The following PSD3 variants were observed in gnomAD, a reference collection of about 807,000 sequenced individuals.
PSD3 encodes the protein PH and SEC7 domain-containing protein 3.
Under a neutral mutation model 105.5 loss-of-function variants are expected in PSD3, and 49 were observed. That is an observed-to-expected ratio of 0.46 (90% CI 0.37 to 0.59). The LOEUF is 0.59. Among genes scored for constraint, PSD3 ranks in the 20% least tolerant of loss-of-function variants. The pLI, the probability that PSD3 is intolerant of heterozygous loss-of-function variation, is 0.00. For synonymous variants in PSD3, 557 were observed against 457.8 expected, an observed-to-expected ratio of 1.22 and a Z score of -2.77; for missense variants, 1,561 against 1,263.8, an observed-to-expected ratio of 1.24 and a Z score of -3.57.
intron 1 of PSD3, among the ~76,000 whole-genome samples, chr8:18,969,345 G>T (rs1400747000): frequency 6.6e-6 from 1 of 152,142 alleles, no homozygotes; most frequent in Admixed American, 6.5e-5. Context: ...AAATTTCGAT[G>T]CAACAGCAGC....
intron 1 of PSD3, among the ~76,000 whole-genome samples, chr8:18,996,195 T>C (rs1826072416): frequency 6.6e-6 from 1 of 151,602 alleles, no homozygotes; most frequent in South Asian, 2.1e-4. Flanking sequence ...ATGCATGCAA[T>C]GAACATTTAG....
Position 18,792,626 on chromosome 8 carries a change from C to G in PSD3, c.2082+6669G>C, listed in dbSNP as rs116839113. ...CAGCTAATGAATGCCAGGCTTAATA[C>G]CTGGGTGATGGGCCAGTTAGAATGG... On this transcript the variant is annotated intron_variant, in intron 8 of 15. Transcript: ENST00000327040. 2.7e-3 allele frequency among the ~76,000 whole-genome samples: 405 copies of G among 152,204 alleles called. 1 individual carries two copies. The highest frequency in any genetic ancestry group is 9.3e-3 in the African/African-American group (385 of 41,550).
intron 12 of PSD3, among the ~76,000 whole-genome samples, chr8:18,583,173 T>C (rs1802933033): frequency 6.6e-6 from 1 of 152,150 alleles, no homozygotes; most frequent in South Asian, 2.1e-4. Flanking sequence ...GCATGGTGGC[T>C]CACACCTATA....
intron 15 of PSD3, among the ~76,000 whole-genome samples, chr8:18,544,801 T>C (rs993801640): frequency 3.3e-5 from 5 of 152,168 alleles, no homozygotes; most frequent in Admixed American, 6.5e-5. Flanking sequence ...GAAGCTCTCA[T>C]AGGAATCTGC....
At chr8:19,054,442 G>C (rs1235265891) in intron 1 of PSD3, among the ~76,000 whole-genome samples, 1 of 152,106 alleles carries the variant, frequency 6.6e-6, no homozygotes, top group African/African-American at 2.4e-5. Context: ...AATAATGTTT[G>C]TTGAGGGAAA....
At chr8:18,957,832 G>A (rs1823673423) in intron 1 of PSD3, among the ~76,000 whole-genome samples, 1 of 152,180 alleles carries the variant, frequency 6.6e-6, no homozygotes, top group African/African-American at 2.4e-5. Context: ...GAAGTGTGGT[G>A]CAGCTAGCAT....
At position 18,793,665 on chromosome 8, in the gene PSD3, C is replaced by G. The variant is rs78593430; in HGVS notation, c.2082+5630G>C. Among the ~76,000 whole-genome samples the G allele has an allele frequency of 7.0e-4, 107 of 152,258 alleles. 2 individuals are homozygous for G. In the East Asian group the frequency reaches 0.019, roughly 28 times the overall value. On this transcript the variant is annotated intron_variant, in intron 8 of 15. Transcript: ENST00000327040. The stretch of plus-strand genomic sequence containing the variant: ...AGCAGGGGAAAGCTCAGAGAGAAAA[C>G]TGAATGCCAACGATAGCTTTCATGG...
chr8:18,752,643 A>T (rs1414400497), intron 9 of PSD3, among the ~76,000 whole-genome samples: 1 of 80,906 alleles, frequency 1.2e-5, no homozygotes, highest in Non-Finnish European at 2.1e-5. Context: ...AATATATATA[A>T]TATATATAAT....
intron 2 of PSD3, among the ~76,000 whole-genome samples, chr8:18,892,462 A>T (rs1818863339): frequency 1.3e-5 from 2 of 152,118 alleles, no homozygotes; most frequent in Non-Finnish European, 2.9e-5. Flanking sequence ...TGACCTCATG[A>T]TCTGCCTGCC....
At chr8:18,694,968 T>C (rs1032103922) in intron 9 of PSD3, among the ~76,000 whole-genome samples, 2 of 152,202 alleles carry the variant, frequency 1.3e-5, no homozygotes, top group Non-Finnish European at 2.9e-5. Flanking sequence ...AATACATTTT[T>C]ATATAAGAAG....
At chr8:18,658,055 T>C (rs147321213) in intron 9 of PSD3, among the ~76,000 whole-genome samples, 66 of 152,360 alleles carry the variant, frequency 4.3e-4, no homozygotes, top group African/African-American at 1.3e-3. Context: ...AGATATCTCA[T>C]GAAGATAATC....
intron 8 of PSD3, among the ~76,000 whole-genome samples, chr8:18,785,436 C>G (rs559612115): frequency 5.3e-5 from 8 of 152,136 alleles, no homozygotes; most frequent in African/African-American, 9.7e-5. Flanking sequence ...CCTCACCTCT[C>G]TCGACCTTCA....
At chr8:18,769,122 C>G (rs1301812560) in intron 8 of PSD3, among the ~76,000 whole-genome samples, 1 of 152,126 alleles carries the variant, frequency 6.6e-6, no homozygotes, top group African/African-American at 2.4e-5. Flanking sequence ...ATACAATGAA[C>G]AGTCATTATG....
At position 18,853,206 on chromosome 8, in the gene PSD3, C is replaced by T. The variant is rs144440433; in HGVS notation, c.1634+14468G>A. Among the ~76,000 whole-genome samples, 12 of 152,182 alleles carry T rather than the reference C, an allele frequency of 7.9e-5. No individual in the cohort carries two copies. The East Asian group carries it at 2.3e-3, about 29-fold the overall frequency. On this transcript the variant is annotated intron_variant, in intron 4 of 15. Transcript: ENST00000327040. ...AAAATTGTTATACTGATGGGCTAGC[C>T]AGACAAATGGCATTATAAAAATACT... is the stretch of plus-strand genomic sequence containing the variant.
chr8:18,752,501 A>AT (rs1554489399), intron 9 of PSD3, among the ~76,000 whole-genome samples: 3 of 88,652 alleles, frequency 3.4e-5, no homozygotes, highest in South Asian at 2.6e-4. Context: ...TAATATATAT[A>AT]ATATATATAA....
intron 9 of PSD3, among the ~76,000 whole-genome samples, chr8:18,722,678 AAAG>A (rs1803067195): frequency 6.6e-6 from 1 of 152,292 alleles, no homozygotes; most frequent in South Asian, 2.1e-4. Flanking sequence ...GTAGGAGGAG[AAAG>A]AAGAAGCAAT....
chr8:18,652,029 T>G (rs1039367190), intron 10 of PSD3, among the ~76,000 whole-genome samples: 1 of 152,004 alleles, frequency 6.6e-6, no homozygotes, highest in Non-Finnish European at 1.5e-5. Context: ...AAAGATGCTG[T>G]TTGGAGCCAT....
chr8:18,967,436 G>A (rs902643509), intron 1 of PSD3, among the ~76,000 whole-genome samples: 2 of 151,998 alleles, frequency 1.3e-5, no homozygotes, highest in Non-Finnish European at 2.9e-5. Context: ...GAGCCACCGC[G>A]CCTGGCCAGG....
At chr8:18,724,676 G>A (rs1437858560) in intron 9 of PSD3, among the ~76,000 whole-genome samples, 4 of 151,946 alleles carry the variant, frequency 2.6e-5, no homozygotes, top group Non-Finnish European at 5.9e-5. Context: ...GGGACCTGGC[G>A]GGGGAAGTGT....
Sources: allele counts gnomAD v4.1 joint callset (sites outside exome capture counted in the v4.1 genomes callset), GRCh38; gene constraint gnomAD v4.1.1; transcripts MANE v1.5; gene names NCBI Gene and HGNC (gene_info 2026-07-23, HGNC 2026-07-21).